The following CPSF4 variants were observed in gnomAD, a reference collection of about 807,000 sequenced individuals.
The protein encoded by CPSF4 is cleavage and polyadenylation specificity factor subunit 4.
In CPSF4, 11 loss-of-function variants were observed where a neutral mutation model predicts 37.7. The ratio of observed to expected loss-of-function variants is 0.29; its 90% CI spans 0.18 to 0.48. CPSF4 has a LOEUF of 0.48. Among genes scored for constraint, CPSF4 ranks in the 20% least tolerant of loss-of-function variants. The probability of loss-of-function intolerance (pLI) is 0.99; values close to 1 mark genes in which losing one functional copy is unlikely to be tolerated. For missense variants in CPSF4, 144 were observed against 359.5 expected (o/e 0.40, Z 4.85); for synonymous variants, 132 against 135.9 (o/e 0.97, Z 0.20).
chr7:99,441,930 G>T (rs1481174295), intron 1 of CPSF4, among the ~76,000 whole-genome samples: 2 of 152,102 alleles, frequency 1.3e-5, no homozygotes. Flanking sequence ...GATGTCAAGT[G>T]ATCCACCCGC....
At chr7:99,441,711 G>A (rs919676494) in intron 1 of CPSF4, among the ~76,000 whole-genome samples, 1 of 149,056 alleles carries the variant, frequency 6.7e-6, no homozygotes, top group Non-Finnish European at 1.5e-5. Flanking sequence ...CTTTTTTTTT[G>A]AGACAGAGTC....
chr7:99,447,064 T>G (rs935947674), intron 2 of CPSF4, among the ~76,000 whole-genome samples: 1 of 151,596 alleles, frequency 6.6e-6, no homozygotes, highest in Admixed American at 6.6e-5. Context: ...CTACTGCGAT[T>G]GCAGGTGTGA....
chr7:99,445,297 A>C (rs1797389728), intron 2 of CPSF4, among the ~76,000 whole-genome samples: 1 of 152,030 alleles, frequency 6.6e-6, no homozygotes, highest in Non-Finnish European at 1.5e-5. Flanking sequence ...CCCTCAACAC[A>C]GACTACACAA....
At chr7:99,447,989 C>T in intron 2 of CPSF4, 132 bp from the exon 3 acceptor site, 1 of 778,416 alleles carries the variant, frequency 1.3e-6, no homozygotes, top group Non-Finnish European at 2.1e-6. Flanking sequence ...GGACCTCTGC[C>T]CCTTTCCAGG....
At chr7:99,452,760 G>A (rs532137909) in intron 6 of CPSF4, 10 of 302,826 alleles carry the variant, frequency 3.3e-5, no homozygotes, top group African/African-American at 8.6e-5. Context: ...CATGGAGGGC[G>A]GCCTGGGCAC....
intron 7 of CPSF4, 72 bp from the exon 8 acceptor site, chr7:99,456,360 C>T (rs1798312978): frequency 6.4e-6 from 9 of 1,401,418 alleles, no homozygotes; most frequent in Non-Finnish European, 9.1e-6. Flanking sequence ...TGGGCACTCC[C>T]TTAGTTGAAA....
rs777930738 is a variant in CPSF4 at position 99,456,604 on chromosome 7, C to T, written c.*104C>T. Reference sequence around the variant, plus strand: ...GGCGCGACTGTGGCTCGAGCTGGCCCGCAGACACGTGGGTTTCATCACTCT... The same window carrying T: ...GGCGCGACTGTGGCTCGAGCTGGCCTGCAGACACGTGGGTTTCATCACTCT... On this transcript the variant is annotated 3_prime_UTR_variant, in exon 8 of 8. Transcript: ENST00000292476. 3.1e-5 allele frequency: 29 copies of T among 923,794 alleles called. No individual in the cohort carries two copies. Among genetic ancestry groups the T allele is most frequent in the South Asian group, 6.8e-5 (5 of 73,622 alleles). The allele number at this position is 923,794 out of a possible 1,614,324, so 57.2% of individuals were successfully genotyped here.
rs575417605 is a variant in CPSF4, at chr7:99,443,187, T to G, written c.104-1602T>G. The G allele has an allele frequency of 6.1e-5, 48 of 782,934 alleles. No individual in the cohort carries two copies. In the African/African-American group the frequency reaches 7.4e-4, roughly 12 times the overall value. The allele number at this position is 782,934 out of a possible 1,614,324, so 48.5% of individuals were successfully genotyped here. A position where few individuals can be genotyped will look rare whatever the true frequency, so the allele number is the denominator to read the frequency against. On this transcript the variant is annotated intron_variant, in intron 1 of 7. Coordinates refer to ENST00000292476, the MANE Select transcript of CPSF4 (RefSeq NM_006693.4). ...CTCCAAGCTCACAGGTACACTGAAT[T>G]GTTCGGCCCTCTTCTGCATTCTCTC...
chr7:99,441,281 GA>G lies in CPSF4; in HGVS notation c.103+2097del, dbSNP rs547571067. ...TTTCCTGTCTTGATGGCACTAGCTT[GA>G]GACCATGGAACCACCCACGCAGGGC... On this transcript the variant is annotated intron_variant, in intron 1 of 7. Transcript: ENST00000292476. The G allele has an allele frequency of 1.7e-3, 690 of 401,580 alleles. 4 individuals are homozygous for G. The highest frequency in any genetic ancestry group is 0.012 in the African/African-American group (599 of 49,142). The allele number at this position is 401,580 out of a possible 1,614,324, so 24.9% of individuals were successfully genotyped here.
At position 99,456,346 on chromosome 7, in the gene CPSF4, T is replaced by A. The variant is rs959538462; in HGVS notation, c.742-86T>A. On this transcript the variant is annotated intron_variant, in intron 7 of 7. Coordinates refer to ENST00000292476, the MANE Select transcript of CPSF4 (RefSeq NM_006693.4). ...GGGGACTTGGTGGATGATTTGGGAT[T>A]TGGTGGGCACTCCCTTAGTTGAAAA... is the stretch of plus-strand genomic sequence containing the variant. 8 of 1,175,716 alleles carry A rather than the reference T, an allele frequency of 6.8e-6. No individual in the cohort carries two copies. The African/African-American group carries it at 1.2e-4, about 18-fold the overall frequency. The allele number at this position is 1,175,716 out of a possible 1,614,324, so 72.8% of individuals were successfully genotyped here.
intron 2 of CPSF4, chr7:99,447,811 C>A: frequency 2.1e-6 from 1 of 472,534 alleles, no homozygotes; most frequent in Non-Finnish European, 4.2e-6. Flanking sequence ...GGATGGTCTC[C>A]GTGCCAGCCA....
intron 2 of CPSF4, 79 bp downstream of exon 2, chr7:99,444,918 C>T: frequency 1.6e-6 from 2 of 1,261,206 alleles, no homozygotes; most frequent in Non-Finnish European, 2.3e-6. Flanking sequence ...TGGAGGCCGC[C>T]AGGTCTCTGG....
Position 99,453,780 on chromosome 7 carries a change from G to T in CPSF4, c.571-186G>T. ...TTTGTGTGTCTGCATGGTGTTTTTC[G>T]GGCAGTGGCTTCTGCCATCATCACC... On this transcript the variant is annotated intron_variant, in intron 6 of 7. Coordinates refer to ENST00000292476, the MANE Select transcript of CPSF4 (RefSeq NM_006693.4). This position sits in a 1 kb window ranked among gnomAD's most constrained non-coding sequence, Gnocchi z 4.7. The T allele has an allele frequency of 1.2e-5, 7 of 584,786 alleles. No homozygotes were observed. The highest frequency in any genetic ancestry group is 4.8e-5 in the South Asian group (2 of 42,048). 36.2% of individuals were successfully genotyped at this position (584,786 alleles called of 1,614,324 possible).
rs1228172824 is a variant in CPSF4 at position 99,456,661 on chromosome 7, T to G, written c.*161T>G. 1 of 707,306 alleles carries G rather than the reference T, an allele frequency of 1.4e-6. No homozygotes were observed. Among genetic ancestry groups the G allele is most frequent in the Non-Finnish European group, 2.6e-6 (1 of 390,806 alleles). 43.8% of individuals were successfully genotyped at this position (707,306 alleles called of 1,614,324 possible). ...CCACGTCTGTTAGTTTCCTATCATT[T>G]TGCCTTAGTATTTTTTGAAAAAGGG... On this transcript the variant is annotated 3_prime_UTR_variant, in exon 8 of 8. Coordinates refer to ENST00000292476, the MANE Select transcript of CPSF4 (RefSeq NM_006693.4).
At chr7:99,445,390 G>T (rs537658823) in intron 2 of CPSF4, among the ~76,000 whole-genome samples, 2 of 151,788 alleles carry the variant, frequency 1.3e-5, no homozygotes, top group South Asian at 4.2e-4. Flanking sequence ...CTCCAGCCTG[G>T]CAACAGAGCA....
rs558624549 is a variant in CPSF4 at position 99,453,606 on chromosome 7, T to C, written c.571-360T>C. ...TCTGTGACTTGCTCGCCGTGTAGGC[T>C]GCTAAACATCTGGCTGAACCAAGCG... On this transcript the variant is annotated intron_variant, in intron 6 of 7. Coordinates refer to ENST00000292476, the MANE Select transcript of CPSF4 (RefSeq NM_006693.4). This position sits in a 1 kb window ranked among gnomAD's most constrained non-coding sequence, Gnocchi z 4.7. 9.9e-4 allele frequency: 186 copies of C among 187,916 alleles called. 2 individuals are homozygous for C. The highest frequency in any genetic ancestry group is 1.6e-3 in the Non-Finnish European group (146 of 91,954). 11.6% of individuals were successfully genotyped at this position (187,916 alleles called of 1,614,324 possible).
chr7:99,444,811 A>G lies in CPSF4; in HGVS notation c.126A>G (p.Glu42=), dbSNP rs142674841. 10 of 1,613,668 alleles carry G rather than the reference A, an allele frequency of 6.2e-6. No individual in the cohort carries two copies. In the African/African-American group the frequency reaches 1.1e-4, roughly 17 times the overall value. ...CAGAGTCGGGCGCTGCTGTCTGTGA[A>G]TTCTTTTTGAAAGCTGCCTGCGGCA... is the stretch of plus-strand genomic sequence containing the variant. ...GMDKSGAAVC[E]FFLKAACGKG... The change falls in exon 2 of 8, where the codon GAA becomes GAG. Residue 42 remains glutamate, a synonymous_variant. Transcript: ENST00000292476.
At chr7:99,441,525 T>C (rs1011454884) in intron 1 of CPSF4, 3 of 456,136 alleles carry the variant, frequency 6.6e-6, no homozygotes, top group African/African-American at 6.0e-5. Flanking sequence ...CAGCCCTTCC[T>C]CACCCATCCC....
At chr7:99,443,061 T>C (rs747427979) in intron 1 of CPSF4, 11 of 1,073,938 alleles carry the variant, frequency 1.0e-5, no homozygotes, top group African/African-American at 9.2e-5. Flanking sequence ...TTGAGCTCTT[T>C]CCTTCGGCTT....
Sources: gnomAD v4.1 joint callset for allele counts (sites outside exome capture counted in the v4.1 genomes callset) on GRCh38, gnomAD v4.1.1 for gene constraint, Gnocchi (gnomAD v3.1) non-coding constraint, MANE v1.5 for transcripts, NCBI Gene and HGNC (gene_info 2026-07-23, HGNC 2026-07-21) for gene names.